The following KAT2B variants were observed in gnomAD, a reference collection of about 807,000 sequenced individuals.
The protein encoded by KAT2B is lysine acetyltransferase 2B.
KAT2B carries 36 observed loss-of-function variants against 105.9 expected under a neutral mutation model. The ratio of observed to expected loss-of-function variants is 0.34; its 90% CI spans 0.26 to 0.45. The LOEUF (loss-of-function observed/expected upper bound fraction) is 0.45, where lower values mean the gene tolerates loss of function less well. KAT2B is among the 20% of genes least tolerant of loss of function. KAT2B has a pLI of 1.00. For missense variants in KAT2B, 820 were observed against 1,021.6 expected (o/e 0.80, Z 2.69); for synonymous variants, 397 against 377.9 (o/e 1.05, Z -0.59).
chr3:20,110,672 C>G (rs79320914), intron 5 of KAT2B, among the ~76,000 whole-genome samples: 1 of 69,502 alleles, frequency 1.4e-5, no homozygotes. Flanking sequence ...GACCCTGTCT[C>G]AAAAAAAAAA....
At chr3:20,132,470 T>C (rs1392660710) in intron 11 of KAT2B, among the ~76,000 whole-genome samples, 1 of 152,218 alleles carries the variant, frequency 6.6e-6, no homozygotes, top group Admixed American at 6.5e-5. Context: ...AACACTGAAG[T>C]TACCAGATAG....
At chr3:20,120,115 C>G (rs900873538) in intron 8 of KAT2B, among the ~76,000 whole-genome samples, 2 of 152,102 alleles carry the variant, frequency 1.3e-5, no homozygotes, top group African/African-American at 2.4e-5. Flanking sequence ...TTGGGCTACC[C>G]GGAACATGTC....
intron 2 of KAT2B, among the ~76,000 whole-genome samples, chr3:20,083,698 G>A (rs1469621985): frequency 6.6e-6 from 1 of 152,166 alleles, no homozygotes; most frequent in Non-Finnish European, 1.5e-5. Context: ...CATTCCAATG[G>A]AAGAAAGGTA....
intron 2 of KAT2B, among the ~76,000 whole-genome samples, chr3:20,087,262 A>C (rs1184407339): frequency 1.3e-5 from 2 of 152,176 alleles, no homozygotes; most frequent in African/African-American, 4.8e-5. Context: ...TGCTAATTAC[A>C]CTGATCTGAT....
At chr3:20,116,479 G>A (rs1485940443) in intron 7 of KAT2B, among the ~76,000 whole-genome samples, 1 of 152,130 alleles carries the variant, frequency 6.6e-6, no homozygotes, top group East Asian at 1.9e-4. Flanking sequence ...TGTTTTCTGA[G>A]TGCCATTCCA....
At chr3:20,106,967 A>G (rs1236819816) in intron 5 of KAT2B, among the ~76,000 whole-genome samples, 1 of 15,506 alleles carries the variant, frequency 6.4e-5, no homozygotes, top group South Asian at 3.4e-3. Context: ...ATGTGTATAT[A>G]TATATATATA....
rs1360894937 is a variant in KAT2B, at chr3:20,057,700, T to A, written c.304-14633T>A. Among the ~76,000 whole-genome samples, 5 of 152,268 alleles carry A rather than the reference T, an allele frequency of 3.3e-5. No homozygotes were observed. The East Asian group carries it at 9.6e-4, about 29-fold the overall frequency. On this transcript the variant is annotated intron_variant, in intron 1 of 17. Transcript: ENST00000263754. Reference sequence around the variant, plus strand: ...CTAGGCCCCAGTGTCACCCAGGACCTCCTGAGGCCTTTTCAGGGGTAATGC... The same window carrying A: ...CTAGGCCCCAGTGTCACCCAGGACCACCTGAGGCCTTTTCAGGGGTAATGC...
intron 1 of KAT2B, among the ~76,000 whole-genome samples, chr3:20,049,536 CT>C (rs1697877873): frequency 6.6e-6 from 1 of 152,192 alleles, no homozygotes; most frequent in Admixed American, 6.5e-5. Flanking sequence ...ATTTTGCCTC[CT>C]CTTCCAAAAC....
At chr3:20,109,480 C>T (rs1699082031) in intron 5 of KAT2B, among the ~76,000 whole-genome samples, 2 of 152,112 alleles carry the variant, frequency 1.3e-5, no homozygotes, top group Admixed American at 6.6e-5. Context: ...ATACATCTGG[C>T]TGATTTTTAA....
At chr3:20,121,019 C>T (rs972736477) in intron 8 of KAT2B, among the ~76,000 whole-genome samples, 8 of 151,912 alleles carry the variant, frequency 5.3e-5, no homozygotes, top group South Asian at 2.1e-4. Context: ...GTCTAACAAG[C>T]AGAGGGCATA....
chr3:20,048,911 G>T (rs888635646), intron 1 of KAT2B, among the ~76,000 whole-genome samples: 4 of 151,844 alleles, frequency 2.6e-5, no homozygotes, highest in African/African-American at 9.7e-5. Flanking sequence ...TTGCTCTGTC[G>T]CCAGGCTGGA....
intron 4 of KAT2B, among the ~76,000 whole-genome samples, chr3:20,100,341 T>A (rs967172909): frequency 2.0e-5 from 3 of 152,172 alleles, no homozygotes; most frequent in African/African-American, 7.2e-5. Context: ...AGTAGCAATG[T>A]GAAAAACATT....
chr3:20,127,448 A>G lies in KAT2B; in HGVS notation c.1648A>G (p.Lys550Glu). 6.2e-7 allele frequency: 1 copy of G among 1,613,092 alleles called. No individual in the cohort carries two copies. The highest frequency in any genetic ancestry group is 8.5e-7 in the Non-Finnish European group (1 of 1,179,006). The change falls in exon 11 of 18, where the codon AAA becomes GAA. Residue 550 changes from lysine (K) to glutamate (E), a missense_variant. Physicochemically the swap from Lys to Glu is moderately conservative, Grantham distance 56 (BLOSUM62 1). Transcript: ENST00000263754. The part of the protein sequence containing the change: ...DPKHKTLALI[K>E]DGRVIGGICF... The stretch of plus-strand genomic sequence containing the variant: ...GAAACACAAAACCCTTGCTTTAATT[A>G]AAGATGGCCGTGTTATTGGTGGTAT...
In KAT2B at chr3:20,101,359, G is replaced by T; in HGVS notation, c.742G>T (p.Ala248Ser). 6.2e-7 allele frequency: 1 copy of T among 1,614,006 alleles called. No individual in the cohort carries two copies. Among genetic ancestry groups the T allele is most frequent in the South Asian group, 1.1e-5 (1 of 91,076 alleles). Residue 248 changes from alanine to serine, a missense_variant, in exon 5 of 18, where the codon GCA becomes TCA. Ala to Ser is a moderately conservative substitution (Grantham distance 99). Transcript: ENST00000263754. ...AKERQTIVEL[A>S]KMFLNRINYW... is the part of the protein sequence containing the mutation. ...AGAAAGGCAAACAATAGTTGAGTTG[G>T]CAAAAATGTTCCTAAACCGCATCAA...
chr3:20,054,956 G>C (rs1697981212), intron 1 of KAT2B, among the ~76,000 whole-genome samples: 1 of 152,150 alleles, frequency 6.6e-6, no homozygotes, highest in African/African-American at 2.4e-5. Flanking sequence ...TTCTTGTTGA[G>C]GAGACAGATA....
chr3:20,101,530 A>G (rs1698910548), intron 5 of KAT2B, 62 bp downstream of exon 5: 2 of 1,323,792 alleles, frequency 1.5e-6, no homozygotes, highest in African/African-American at 2.9e-5. Flanking sequence ...CTAAAATTGT[A>G]CTTGACTCTA....
At chr3:20,041,178 C>T (rs1232842522) in intron 1 of KAT2B, among the ~76,000 whole-genome samples, 1 of 151,966 alleles carries the variant, frequency 6.6e-6, no homozygotes, top group African/African-American at 2.4e-5. Context: ...ACTGAGTGGT[C>T]CCTTCTGCAA....
intron 1 of KAT2B, among the ~76,000 whole-genome samples, chr3:20,061,902 TATATATAAAATATGTATTATATATC>T (rs1472767595): frequency 0.025 from 3,104 of 124,660 alleles, 285 homozygotes; most frequent in South Asian, 0.21. Context: ...TATTATATAT[TATATATAAAATATGTATTATATATC>T]ATATATAAAA....
At chr3:20,070,377 T>A (rs1698300622) in intron 1 of KAT2B, among the ~76,000 whole-genome samples, 1 of 150,416 alleles carries the variant, frequency 6.6e-6, no homozygotes, top group Admixed American at 6.7e-5. Flanking sequence ...CAATCTCGGC[T>A]CACTGCAAGC....
Sources: gnomAD v4.1 joint callset for allele counts (sites outside exome capture counted in the v4.1 genomes callset) on GRCh38, gnomAD v4.1.1 for gene constraint, MANE v1.5 for transcripts, NCBI Gene and HGNC (gene_info 2026-07-23, HGNC 2026-07-21) for gene names.